The following SND1 variants were observed in gnomAD, a reference collection of about 807,000 sequenced individuals.
SND1 encodes the protein staphylococcal nuclease and tudor domain containing 1.
In SND1, 38 loss-of-function variants were observed where a neutral mutation model predicts 121.7. The ratio of observed to expected loss-of-function variants is 0.31; its 90% CI spans 0.24 to 0.41. SND1 has a LOEUF of 0.41. Ranked by LOEUF, SND1 falls within the 10% of genes least tolerant of loss-of-function variation. The probability of loss-of-function intolerance (pLI) is 1.00; values close to 1 mark genes in which losing one functional copy is unlikely to be tolerated. For synonymous variants in SND1, 401 were observed against 447.4 expected, an observed-to-expected ratio of 0.90 and a Z score of 1.31; for missense variants, 868 against 1,184.6, an observed-to-expected ratio of 0.73 and a Z score of 3.92.
chr7:127,968,255 C>T (rs547625621), intron 15 of SND1, among the ~76,000 whole-genome samples: 8 of 152,312 alleles, frequency 5.3e-5, no homozygotes, highest in Admixed American at 5.2e-4. Flanking sequence ...CTTCTGCTGG[C>T]AAATTGTGAC....
At chr7:128,022,131 G>A (rs1318061548) in intron 16 of SND1, among the ~76,000 whole-genome samples, 4 of 149,104 alleles carry the variant, frequency 2.7e-5, no homozygotes, top group African/African-American at 9.9e-5. Context: ...CTTGAACCCG[G>A]GAGGCGGAGG....
chr7:128,070,298 G>T (rs1360915311), intron 16 of SND1, among the ~76,000 whole-genome samples: 1 of 152,228 alleles, frequency 6.6e-6, no homozygotes, highest in Non-Finnish European at 1.5e-5. Context: ...GGAATCGAGA[G>T]GAGAGCCCTC....
At chr7:127,816,134 C>T (rs1798434123) in intron 11 of SND1, among the ~76,000 whole-genome samples, 1 of 152,168 alleles carries the variant, frequency 6.6e-6, no homozygotes, top group Non-Finnish European at 1.5e-5. Flanking sequence ...ACACTGATGT[C>T]CACTTAAGAA....
At chr7:127,884,385 T>C (rs935493644) in intron 12 of SND1, among the ~76,000 whole-genome samples, 2 of 152,144 alleles carry the variant, frequency 1.3e-5, no homozygotes, top group Non-Finnish European at 2.9e-5. Context: ...GCAGGAAACA[T>C]AATAGACTGA....
chr7:127,966,720 T>G (rs1377927808), intron 15 of SND1, among the ~76,000 whole-genome samples: 1 of 102,046 alleles, frequency 9.8e-6, no homozygotes, highest in Non-Finnish European at 2.0e-5. Flanking sequence ...AGAGGGAAAT[T>G]TATAGCACTA....
intron 21 of SND1, among the ~76,000 whole-genome samples, chr7:128,088,475 T>C (rs1793722937): frequency 7.6e-6 from 1 of 131,098 alleles, no homozygotes; most frequent in South Asian, 2.4e-4. Context: ...TTTTTTGAGA[T>C]GAATTCTTGC....
intron 16 of SND1, among the ~76,000 whole-genome samples, chr7:128,071,681 C>T (rs960613630): frequency 1.3e-5 from 2 of 152,220 alleles, no homozygotes; most frequent in African/African-American, 2.4e-5. Flanking sequence ...ACAGCCTCGT[C>T]CAGGCTGAGG....
At chr7:127,768,858 G>C (rs1797465571) in intron 10 of SND1, among the ~76,000 whole-genome samples, 1 of 152,154 alleles carries the variant, frequency 6.6e-6, no homozygotes, top group African/African-American at 2.4e-5. Flanking sequence ...CATTGTCTAG[G>C]ATCAGGAACA....
chr7:127,916,604 G>A (rs940105498), intron 14 of SND1, among the ~76,000 whole-genome samples: 4 of 152,198 alleles, frequency 2.6e-5, no homozygotes, highest in African/African-American at 9.6e-5. Context: ...GATGGGGAGT[G>A]TTTGAACAAA....
intron 16 of SND1, among the ~76,000 whole-genome samples, chr7:128,009,174 A>G (rs1333574570): frequency 6.6e-6 from 1 of 152,222 alleles, no homozygotes; most frequent in Non-Finnish European, 1.5e-5. Flanking sequence ...TTAAACATCA[A>G]TTAAAACAGC....
intron 10 of SND1, among the ~76,000 whole-genome samples, chr7:127,756,708 A>G (rs962065118): frequency 1.3e-5 from 2 of 152,166 alleles, no homozygotes; most frequent in Non-Finnish European, 2.9e-5. Context: ...TCCCCAAATC[A>G]CTTACCTGTC....
At chr7:127,840,522 A>G (rs767227625) in intron 11 of SND1, among the ~76,000 whole-genome samples, 73 of 152,202 alleles carry the variant, frequency 4.8e-4, no homozygotes, top group Non-Finnish European at 6.5e-4. Flanking sequence ...TATATTAATC[A>G]GTTTCTTCTC....
In SND1 at chr7:128,015,285, C is replaced by CA. The variant is rs1422699152; in HGVS notation, c.1779+24230dup. Among the ~76,000 whole-genome samples, 1 of 152,184 alleles carries CA rather than the reference C, an allele frequency of 6.6e-6. No homozygotes were observed. Among genetic ancestry groups the CA allele is most frequent in the Non-Finnish European group, 1.5e-5 (1 of 68,046 alleles). ...AGACCGCTCTTAGTTCATGTTCTGGCATATTAATCAGGGTGACATGATAAA... is the reference window on the plus strand; with the variant it reads ...AGACCGCTCTTAGTTCATGTTCTGGCAATATTAATCAGGGTGACATGATAAA... On this transcript the variant is annotated intron_variant, in intron 16 of 23. Transcript: ENST00000354725. The surrounding 1 kb of genome is among the most constrained non-coding windows in gnomAD (Gnocchi z 4.5).
chr7:127,912,129 T>C (rs981023270), intron 14 of SND1, among the ~76,000 whole-genome samples: 1 of 152,252 alleles, frequency 6.6e-6, no homozygotes, highest in African/African-American at 2.4e-5. Context: ...ATAGTTTCTT[T>C]GTTCATATGA....
At chr7:127,654,668 G>A (rs753422469) in intron 1 of SND1, among the ~76,000 whole-genome samples, 3 of 152,236 alleles carry the variant, frequency 2.0e-5, no homozygotes, top group Non-Finnish European at 4.4e-5. Context: ...TGGTGTGGAA[G>A]ATGATTGAGT....
At chr7:127,738,557 G>C (rs538094907) in intron 10 of SND1, among the ~76,000 whole-genome samples, 133 of 152,284 alleles carry the variant, frequency 8.7e-4, no homozygotes, top group African/African-American at 3.0e-3. Flanking sequence ...GGGATTACAG[G>C]TGTGGGCCAG....
chr7:127,676,199 C>T (rs1795613654), intron 1 of SND1, among the ~76,000 whole-genome samples: 1 of 152,136 alleles, frequency 6.6e-6, no homozygotes, highest in Non-Finnish European at 1.5e-5. Context: ...TTCTCATCTG[C>T]AAAATGAGGA....
chr7:127,699,602 T>C (rs958530090), intron 4 of SND1, among the ~76,000 whole-genome samples: 1 of 152,218 alleles, frequency 6.6e-6, no homozygotes, highest in Non-Finnish European at 1.5e-5. Flanking sequence ...CCAATGGCAA[T>C]GTGAACCTGT....
At chr7:127,694,141 G>A (rs1329776304) in intron 2 of SND1, among the ~76,000 whole-genome samples, 2 of 152,192 alleles carry the variant, frequency 1.3e-5, no homozygotes, top group African/African-American at 2.4e-5. Context: ...TCAGACTAGA[G>A]CAGAAGTAGA....
Sources: allele counts gnomAD v4.1 joint callset (sites outside exome capture counted in the v4.1 genomes callset), GRCh38; gene constraint gnomAD v4.1.1; non-coding constraint Gnocchi (gnomAD v3.1); transcripts MANE v1.5; gene names NCBI Gene and HGNC (gene_info 2026-07-23, HGNC 2026-07-21).